IGDCC3: variants seen among roughly 807,000 people sequenced by gnomAD.
IGDCC3 encodes putative neuronal cell adhesion molecule.
Under a neutral mutation model 72.0 loss-of-function variants are expected in IGDCC3, and 47 were observed. The observed-to-expected ratio is 0.65, with a 90% CI of 0.52 to 0.83. IGDCC3 has a LOEUF of 0.83. IGDCC3 is among the 40% of genes least tolerant of loss of function. The pLI, the probability that IGDCC3 is intolerant of heterozygous loss-of-function variation, is 0.00. For synonymous variants in IGDCC3, 477 were observed against 472.8 expected (o/e 1.01, Z -0.11); for missense variants, 1,038 against 1,091.3 (o/e 0.95, Z 0.69).
At chr15:65,363,085 C>G (rs1480641467) in intron 2 of IGDCC3, among the ~76,000 whole-genome samples, 3 of 151,946 alleles carry the variant, frequency 2.0e-5, no homozygotes, top group African/African-American at 7.3e-5. Flanking sequence ...GTCTGGAACT[C>G]CTGACCTCAG....
chr15:65,328,831 A>C lies in IGDCC3; in HGVS notation c.*78T>G. 6.8e-7 allele frequency: 1 copy of C among 1,478,542 alleles called. No homozygotes were observed. Among genetic ancestry groups the C allele is most frequent in the Non-Finnish European group, 9.0e-7 (1 of 1,111,962 alleles). The allele number at this position is 1,478,542 out of a possible 1,614,324, so 91.6% of individuals were successfully genotyped here. ...GAGCCCCCAGGACCATCCAAATCCCACATGACAGTAGAAATCTTGCTTTTG... is the reference window on the plus strand; with the variant it reads ...GAGCCCCCAGGACCATCCAAATCCCCCATGACAGTAGAAATCTTGCTTTTG... On this transcript the variant is annotated 3_prime_UTR_variant, in exon 14 of 14. Transcript: ENST00000327987.
intron 2 of IGDCC3, among the ~76,000 whole-genome samples, chr15:65,345,157 T>TGAA (rs2091115067): frequency 6.6e-6 from 1 of 152,196 alleles, no homozygotes; most frequent in African/African-American, 2.4e-5. Flanking sequence ...AGATACTTAC[T>TGAA]GAATGCTAAT....
chr15:65,362,735 T>C (rs620104), intron 2 of IGDCC3, among the ~76,000 whole-genome samples: 65,503 of 151,748 alleles, frequency 0.43, 14,739 homozygotes, highest in African/African-American at 0.56. Flanking sequence ...CGGTCGTCAG[T>C]GCAAGACTGT....
chr15:65,367,653 T>TCCCAGGGCTTGC (rs2091296293), intron 2 of IGDCC3, among the ~76,000 whole-genome samples: 1 of 152,024 alleles, frequency 6.6e-6, no homozygotes, highest in Admixed American at 6.5e-5. Flanking sequence ...CCACCCAGTG[T>TCCCAGGGCTTGC]CCCAGGGCTT....
At position 65,331,084 on chromosome 15, in the gene IGDCC3, G is replaced by A. The variant is rs766580979; in HGVS notation, c.1527C>T (p.Ala509=). 8.1e-6 allele frequency: 13 copies of A among 1,614,006 alleles called. No homozygotes were observed. The East Asian group carries it at 2.7e-4, about 33-fold the overall frequency. Residue 509 remains alanine (A), a synonymous_variant, in exon 9 of 14, where the codon GCC becomes GCT. Transcript: ENST00000327987. ...GGGTGCTAGCTAGGGTGGGCACAGAGGCTGAGCTGGCCCCCCTTGGTGTGT... is the reference window on the plus strand; with the variant it reads ...GGGTGCTAGCTAGGGTGGGCACAGAAGCTGAGCTGGCCCCCCTTGGTGTGT... ...KAYTPRGASS[A]SVPTLASTLG... is the part of the protein sequence containing the mutation.
chr15:65,377,921 G>A lies in IGDCC3; in HGVS notation c.-133C>T, dbSNP rs2091370389. 1 of 848,598 alleles carries A rather than the reference G, an allele frequency of 1.2e-6. No individual in the cohort carries two copies. Among genetic ancestry groups the A allele is most frequent in the African/African-American group, 1.8e-5 (1 of 54,496 alleles). 52.6% of individuals were successfully genotyped at this position (848,598 alleles called of 1,614,324 possible). On this transcript the variant is annotated 5_prime_UTR_variant, in exon 1 of 14. Transcript: ENST00000327987. The surrounding 1 kb of genome is among the most constrained non-coding windows in gnomAD (Gnocchi z 4.9). ...GCCGAGCCCAGGCGGTGGGGGACTG[G>A]GGCCGCATGCCTGCTCAGCAGCGCG...
intron 2 of IGDCC3, among the ~76,000 whole-genome samples, chr15:65,358,783 T>C (rs767101331): frequency 3.9e-5 from 6 of 152,090 alleles, no homozygotes; most frequent in Non-Finnish European, 8.8e-5. Context: ...ACCTCAGCCT[T>C]TTAAGTAACT....
intron 2 of IGDCC3, among the ~76,000 whole-genome samples, chr15:65,352,944 C>T (rs1278876774): frequency 1.3e-5 from 2 of 152,090 alleles, no homozygotes; most frequent in South Asian, 4.1e-4. Context: ...TCCTGTGAAC[C>T]AACCAGTAAT....
At chr15:65,368,163 C>T (rs1300194135) in intron 2 of IGDCC3, among the ~76,000 whole-genome samples, 6 of 6,004 alleles carry the variant, frequency 1.0e-3, no homozygotes, top group East Asian at 0.091. Flanking sequence ...CTTTCACTCA[C>T]ACACACACAC....
rs1041169549 is a variant in IGDCC3 at position 65,327,508 on chromosome 15, C to T, written c.*1401G>A. ...TCTCATTCTTAAGGAATACACTTAT[C>T]TTTTTTCTTTAAAAAAAGTTTTTCT... On this transcript the variant is annotated 3_prime_UTR_variant, in exon 14 of 14. Coordinates refer to ENST00000327987, the MANE Select transcript of IGDCC3 (RefSeq NM_004884.4). The T allele has an allele frequency of 3.3e-5, 5 of 152,150 alleles. No individual in the cohort carries two copies. Among genetic ancestry groups the T allele is most frequent in the African/African-American group, 1.2e-4 (5 of 41,428 alleles). The allele number at this position is 152,150 out of a possible 1,614,324, so 9.4% of individuals were successfully genotyped here. A position where few individuals can be genotyped will look rare whatever the true frequency, so the allele number is the denominator to read the frequency against.
At chr15:65,356,351 G>A (rs1169135955) in intron 2 of IGDCC3, 1 of 152,408 alleles carries the variant, frequency 6.6e-6, no homozygotes, top group Non-Finnish European at 1.5e-5. Context: ...GAAGGGACTA[G>A]AGGAGTCGGG....
chr15:65,352,987 T>C (rs2091183700), intron 2 of IGDCC3, among the ~76,000 whole-genome samples: 1 of 152,196 alleles, frequency 6.6e-6, no homozygotes, highest in Non-Finnish European at 1.5e-5. Context: ...ACAAGAGGGA[T>C]GGGTAATGTA....
chr15:65,361,209 C>T (rs1171602908), intron 2 of IGDCC3, among the ~76,000 whole-genome samples: 1 of 151,990 alleles, frequency 6.6e-6, no homozygotes, highest in Non-Finnish European at 1.5e-5. Context: ...CGGGGGATTA[C>T]CTGAGCCCAG....
chr15:65,332,135 GCAGA>G (rs758341186), intron 6 of IGDCC3, 29 bp from the exon 7 acceptor site: 2 of 1,601,458 alleles, frequency 1.2e-6, no homozygotes, highest in South Asian at 1.1e-5. Flanking sequence ...GGGTGGGGGC[GCAGA>G]CAGACACAGC....
At chr15:65,331,306 G>A in intron 8 of IGDCC3, 92 bp from the exon 9 acceptor site, 2 of 1,566,514 alleles carry the variant, frequency 1.3e-6, no homozygotes, top group South Asian at 1.2e-5. Flanking sequence ...TGCCCGGGGG[G>A]ACAGCGGGGA....
chr15:65,371,778 C>A (rs532136766), intron 2 of IGDCC3, among the ~76,000 whole-genome samples: 1 of 152,300 alleles, frequency 6.6e-6, no homozygotes, highest in East Asian at 1.9e-4. Context: ...CTAGTCCATC[C>A]TTTTTGGAGT....
intron 6 of IGDCC3, 93 bp from the exon 7 acceptor site, chr15:65,332,199 C>G: frequency 7.0e-7 from 1 of 1,424,534 alleles, no homozygotes. Context: ...TGGAGATACA[C>G]AGGGTGAGAG....
Position 65,327,598 on chromosome 15 carries a change from T to C in IGDCC3, c.*1311A>G, listed in dbSNP as rs1240349456. ...TAGGTATTTGTTTCCTTGGTTTTCT[T>C]TTCTTCTTCTTTAACTAAGTAGTTC... On this transcript the variant is annotated 3_prime_UTR_variant, in exon 14 of 14. Coordinates refer to ENST00000327987, the MANE Select transcript of IGDCC3 (RefSeq NM_004884.4). The C allele has an allele frequency of 6.6e-6, 1 of 152,568 alleles. No homozygotes were observed. The highest frequency in any genetic ancestry group is 2.4e-5 in the African/African-American group (1 of 41,460). 9.5% of individuals were successfully genotyped at this position (152,568 alleles called of 1,614,324 possible).
At chr15:65,367,238 A>G (rs2140168849) in intron 2 of IGDCC3, among the ~76,000 whole-genome samples, 1 of 151,146 alleles carries the variant, frequency 6.6e-6, no homozygotes. Context: ...CTCAGCTATT[A>G]GAGAGGCTGA....
Sources: allele counts gnomAD v4.1 joint callset (sites outside exome capture counted in the v4.1 genomes callset), GRCh38; gene constraint gnomAD v4.1.1; non-coding constraint Gnocchi (gnomAD v3.1); transcripts MANE v1.5; gene names NCBI Gene and HGNC (gene_info 2026-07-23, HGNC 2026-07-21).